FAM151B: variants seen among roughly 807,000 people sequenced by gnomAD.
FAM151B encodes the protein protein FAM151B.
In FAM151B, 24 loss-of-function variants were observed where a neutral mutation model predicts 31.2. That is an observed-to-expected ratio of 0.77 (90% confidence interval 0.56 to 1.08). The LOEUF is 1.08. FAM151B is among the 50% of genes least tolerant of loss of function. The probability of loss-of-function intolerance (pLI) is 0.00; values close to 1 mark genes in which losing one functional copy is unlikely to be tolerated. For synonymous variants in FAM151B, 105 were observed against 111.4 expected (o/e 0.94, Z 0.36); for missense variants, 293 against 328.6 (o/e 0.89, Z 0.84).
At chr5:80,523,580 ATCAG>A (rs1005256153) in intron 5 of FAM151B, among the ~76,000 whole-genome samples, 10 of 152,180 alleles carry the variant, frequency 6.6e-5, no homozygotes, top group African/African-American at 2.2e-4. Flanking sequence ...CTAAATATCT[ATCAG>A]TCAGACACTG....
At chr5:80,499,155 A>G (rs1357475330) in intron 1 of FAM151B, among the ~76,000 whole-genome samples, 2 of 152,232 alleles carry the variant, frequency 1.3e-5, no homozygotes, top group Non-Finnish European at 2.9e-5. Flanking sequence ...AAGCATGAAC[A>G]AGGATTAGGG....
At chr5:80,536,972 A>G (rs1745544350) in intron 5 of FAM151B, among the ~76,000 whole-genome samples, 1 of 152,192 alleles carries the variant, frequency 6.6e-6, no homozygotes, top group African/African-American at 2.4e-5. Context: ...TTGAATGAAT[A>G]AGGCCTAATA....
chr5:80,523,001 A>C (rs1744790110), intron 5 of FAM151B, among the ~76,000 whole-genome samples: 1 of 152,198 alleles, frequency 6.6e-6, no homozygotes, highest in Admixed American at 6.5e-5. Flanking sequence ...GAAGTTCAGC[A>C]ACTGGTTTTA....
At chr5:80,513,539 T>G in intron 2 of FAM151B, 65 bp from the exon 3 acceptor site, 1 of 1,447,194 alleles carries the variant, frequency 6.9e-7, no homozygotes, top group Non-Finnish European at 9.4e-7. Context: ...ATACTGAACA[T>G]GGTGCCTCCT....
rs1744792583 is a variant in FAM151B, at chr5:80,523,066, C to G, written c.671+928C>G. Among the ~76,000 whole-genome samples the G allele has an allele frequency of 2.0e-5, 3 of 151,944 alleles. No individual in the cohort carries two copies. The South Asian group carries it at 6.2e-4, about 32-fold the overall frequency. ...CTGACACCTTTGCTTATTCCTTGCT[C>G]CAAAATACATTCCCAATGAATTAAA... is the stretch of plus-strand genomic sequence containing the variant. On this transcript the variant is annotated intron_variant, in intron 5 of 5. Transcript: ENST00000282226.
At chr5:80,500,200 C>G in intron 1 of FAM151B, 1 of 494,532 alleles carries the variant, frequency 2.0e-6, no homozygotes, top group South Asian at 2.7e-5. Flanking sequence ...AAAAAAAAAT[C>G]AAATATAACA....
Position 80,519,866 on chromosome 5 carries a change from C to A in FAM151B, c.491C>A (p.Ser164Tyr), listed in dbSNP as rs745871872. The A allele has an allele frequency of 6.2e-7, 1 of 1,614,066 alleles. No individual in the cohort carries two copies. The highest frequency in any genetic ancestry group is 8.5e-7 in the Non-Finnish European group (1 of 1,179,970). The change falls in exon 4 of 6, where the codon TCC becomes TAC. Residue 164 changes from serine (S) to tyrosine (Y), a missense_variant. Coordinates refer to ENST00000282226, the MANE Select transcript of FAM151B (RefSeq NM_205548.3). ...TCCTTCTTTCCAGACGTGACGTTTT[C>A]CCTGGGTTGGACAACAGGATGGCAT... Reference protein sequence around the residue: ...VISFFPDVTFSLGWTTGWHPE... With the variant: ...VISFFPDVTFYLGWTTGWHPE...
At chr5:80,502,231 T>C (rs1743775045) in intron 2 of FAM151B, among the ~76,000 whole-genome samples, 1 of 152,146 alleles carries the variant, frequency 6.6e-6, no homozygotes, top group Non-Finnish European at 1.5e-5. Flanking sequence ...TGTTTCATTT[T>C]GTTTACAAAA....
At chr5:80,505,690 A>G (rs936718491) in intron 2 of FAM151B, among the ~76,000 whole-genome samples, 10 of 147,310 alleles carry the variant, frequency 6.8e-5, no homozygotes, top group African/African-American at 2.5e-4. Context: ...CACCGCACCC[A>G]GCCACATCCA....
intron 1 of FAM151B, among the ~76,000 whole-genome samples, chr5:80,497,313 G>A (rs1743583230): frequency 1.3e-5 from 2 of 151,498 alleles, no homozygotes; most frequent in South Asian, 4.2e-4. Flanking sequence ...TGCTCAGAAG[G>A]CTGAAGCATA....
intron 1 of FAM151B, chr5:80,498,464 T>C: frequency 1.9e-6 from 1 of 536,950 alleles, no homozygotes; most frequent in South Asian, 1.9e-5. Context: ...AGGTTTAAGG[T>C]TTTTGGTTTT....
rs1745890644 is a variant in FAM151B, at chr5:80,541,541, A to G, written c.672-132A>G. 3 of 781,390 alleles carry G rather than the reference A, an allele frequency of 3.8e-6. No individual in the cohort carries two copies. In the South Asian group the frequency reaches 4.9e-5, roughly 13 times the overall value. 48.4% of individuals were successfully genotyped at this position (781,390 alleles called of 1,614,324 possible). On this transcript the variant is annotated intron_variant, in intron 5 of 5. Coordinates refer to ENST00000282226, the MANE Select transcript of FAM151B (RefSeq NM_205548.3). Reference sequence around the variant, plus strand: ...GAATGAAATATGAAAGTACAGTTACACCATTGCTGATTAATTTTTTCATCT... The same window carrying G: ...GAATGAAATATGAAAGTACAGTTACGCCATTGCTGATTAATTTTTTCATCT...
intron 4 of FAM151B, 31 bp from the exon 5 acceptor site, chr5:80,521,972 A>G (rs908515372): frequency 2.0e-5 from 30 of 1,499,514 alleles, no homozygotes; most frequent in Non-Finnish European, 2.6e-5. Flanking sequence ...ATTTCAATCA[A>G]TAAAGTTAAA....
At chr5:80,505,003 C>T (rs887927868) in intron 2 of FAM151B, among the ~76,000 whole-genome samples, 1 of 152,184 alleles carries the variant, frequency 6.6e-6, no homozygotes, top group African/African-American at 2.4e-5. Flanking sequence ...CTGCCCTCCC[C>T]CTGGCGAGAT....
chr5:80,541,668 T>C lies in FAM151B; in HGVS notation c.672-5T>C, dbSNP rs1371331053. ...ACTGTATAATTCTGTTTTATTTCAATGCAGGTACAGCCTGACTATTTGGAC... is the reference window on the plus strand; with the variant it reads ...ACTGTATAATTCTGTTTTATTTCAACGCAGGTACAGCCTGACTATTTGGAC... On this transcript the variant is annotated splice_polypyrimidine_tract_variant and splice_region_variant and intron_variant, in intron 5 of 5. Coordinates refer to ENST00000282226, the MANE Select transcript of FAM151B (RefSeq NM_205548.3). The C allele has an allele frequency of 3.1e-6, 5 of 1,612,662 alleles. No individual in the cohort carries two copies.
At chr5:80,513,800 G>A in intron 3 of FAM151B, 31 bp downstream of exon 3, 1 of 1,569,400 alleles carries the variant, frequency 6.4e-7, no homozygotes, top group Non-Finnish European at 8.6e-7. Context: ...AATTTTCTGG[G>A]AAAAAAGTAA....
chr5:80,501,933 T>C lies in FAM151B; in HGVS notation c.151+16T>C, dbSNP rs1227518868. 1 of 1,547,708 alleles carries C rather than the reference T, an allele frequency of 6.5e-7. No individual in the cohort carries two copies. Among genetic ancestry groups the C allele is most frequent in the Non-Finnish European group, 8.7e-7 (1 of 1,143,350 alleles). ...GCACTGAAAAGTAAGTCAGTACAGT[T>C]ACTTGTAATTTACTTTGGATAATAG... On this transcript the variant is annotated intron_variant, in intron 2 of 5. Coordinates refer to ENST00000282226, the MANE Select transcript of FAM151B (RefSeq NM_205548.3).
At chr5:80,511,526 G>T (rs574937750) in intron 2 of FAM151B, among the ~76,000 whole-genome samples, 30 of 150,800 alleles carry the variant, frequency 2.0e-4, no homozygotes, top group African/African-American at 7.1e-4. Flanking sequence ...ACACTTGTGC[G>T]ATTACCTGTC....
chr5:80,534,735 A>G (rs1580457629), intron 5 of FAM151B, among the ~76,000 whole-genome samples: 2 of 152,208 alleles, frequency 1.3e-5, no homozygotes, highest in East Asian at 3.8e-4. Flanking sequence ...GTTATTTAAC[A>G]TAGTACTAGA....
Sources: allele counts gnomAD v4.1 joint callset (sites outside exome capture counted in the v4.1 genomes callset), GRCh38; gene constraint gnomAD v4.1.1; transcripts MANE v1.5; gene names NCBI Gene and HGNC (gene_info 2026-07-23, HGNC 2026-07-21).